The following CYFIP1 variants were observed in gnomAD, a reference collection of about 807,000 sequenced individuals.
CYFIP1 encodes the protein cytoplasmic FMR1-interacting protein 1.
CYFIP1 carries 58 observed loss-of-function variants against 163.5 expected under a neutral mutation model. The observed-to-expected ratio is 0.35, with a 90% CI of 0.29 to 0.44. CYFIP1 has a LOEUF of 0.44. Among genes scored for constraint, CYFIP1 ranks in the 20% least tolerant of loss-of-function variants. CYFIP1 has a pLI of 1.00. For missense variants in CYFIP1, 1,338 were observed against 1,653.8 expected, an observed-to-expected ratio of 0.81 and a Z score of 3.31; for synonymous variants, 663 against 660.7, an observed-to-expected ratio of 1.00 and a Z score of -0.05.
chr15:22,906,052 C>T lies in CYFIP1; in HGVS notation c.2389-2147G>A, dbSNP rs966309413. Reference sequence around the variant, plus strand: ...GGGATTACAGGCATGAGCCACTGTGCCCGGCCTTTTCTCTTTTCAAAACTT... The same window carrying T: ...GGGATTACAGGCATGAGCCACTGTGTCCGGCCTTTTCTCTTTTCAAAACTT... On this transcript the variant is annotated intron_variant, in intron 21 of 30. Transcript: ENST00000617928. Among the ~76,000 whole-genome samples the T allele has an allele frequency of 5.3e-5, 8 of 152,118 alleles. No homozygotes were observed. The South Asian group carries it at 8.3e-4, about 16-fold the overall frequency.
chr15:22,876,313 A>G (rs543425974), intron 26 of CYFIP1, among the ~76,000 whole-genome samples: 5 of 151,962 alleles, frequency 3.3e-5, no homozygotes, highest in Non-Finnish European at 7.4e-5. Flanking sequence ...CCGGCCAGAC[A>G]CCATCTGCTC....
rs956740784 is a variant in CYFIP1, at chr15:22,869,368, G to A, written c.*660C>T. 2 of 152,170 alleles carry A rather than the reference G, an allele frequency of 1.3e-5. No individual in the cohort carries two copies. Among genetic ancestry groups the A allele is most frequent in the African/African-American group, 2.4e-5 (1 of 41,404 alleles). The allele number at this position is 152,170 out of a possible 1,614,324, so 9.4% of individuals were successfully genotyped here. A position where few individuals can be genotyped will look rare whatever the true frequency, so the allele number is the denominator to read the frequency against. ...GGTCCCATCCCACCTCAGCCTTAGA[G>A]GTGACCTCCATCCCAGCTGGCCTGG... is the stretch of plus-strand genomic sequence containing the variant. On this transcript the variant is annotated 3_prime_UTR_variant, in exon 31 of 31. Coordinates refer to ENST00000617928, the MANE Select transcript of CYFIP1 (RefSeq NM_014608.6).
Position 22,916,583 on chromosome 15 carries a change from A to G in CYFIP1, c.1722T>C (p.Ser574=), listed in dbSNP as rs749154022. ...TMLESLIADK[S]GSKKTLRSSL... ...TACTTCTCAAGGTTTTCTTGGAACC[A>G]CTTTTGTCTGCAATGAGGGACTCTA... The change falls in exon 16 of 31, where the codon AGT becomes AGC. Residue 574 remains serine, a synonymous_variant. Coordinates refer to ENST00000617928, the MANE Select transcript of CYFIP1 (RefSeq NM_014608.6). 8 of 1,614,010 alleles carry G rather than the reference A, an allele frequency of 5.0e-6. No homozygotes were observed. The Admixed American group carries it at 1.2e-4, about 24-fold the overall frequency.
chr15:22,877,911 C>T (rs1009376875), intron 26 of CYFIP1, among the ~76,000 whole-genome samples: 1 of 152,380 alleles, frequency 6.6e-6, no homozygotes, highest in Middle Eastern at 3.4e-3. Flanking sequence ...GACATGTGAG[C>T]CAACACATTC....
At chr15:22,880,111 C>G in intron 25 of CYFIP1, 68 bp from the exon 26 acceptor site, 1 of 1,594,050 alleles carries the variant, frequency 6.3e-7, no homozygotes, top group Non-Finnish European at 8.5e-7. Context: ...CCTGGGTCCA[C>G]AGCCAGGAGC....
In CYFIP1 at chr15:22,903,330, C is replaced by T. The variant is rs370229439; in HGVS notation, c.2588+376G>A. Among the ~76,000 whole-genome samples, 363 of 150,530 alleles carry T rather than the reference C, an allele frequency of 2.4e-3. 1 individual carries two copies. The highest frequency in any genetic ancestry group is 8.3e-3 in the African/African-American group (342 of 41,324). On this transcript the variant is annotated intron_variant, in intron 22 of 30. Transcript: ENST00000617928. Reference sequence around the variant, plus strand: ...ACCTCAGGATACTGCCAGCATCCACCGTTTCACCACCAATCACATCACTTC... The same window carrying T: ...ACCTCAGGATACTGCCAGCATCCACTGTTTCACCACCAATCACATCACTTC...
intron 6 of CYFIP1, among the ~76,000 whole-genome samples, chr15:22,939,898 C>A (rs947180637): frequency 6.6e-6 from 1 of 152,186 alleles, no homozygotes; most frequent in Non-Finnish European, 1.5e-5. Context: ...CTCCCACAAG[C>A]CCTGCCATGA....
chr15:22,930,513 CAT>C (rs371014373), intron 11 of CYFIP1, among the ~76,000 whole-genome samples: 5 of 151,612 alleles, frequency 3.3e-5, no homozygotes, highest in African/African-American at 9.7e-5. Flanking sequence ...AGACCACACA[CAT>C]GATGGTGCTC....
upstream of CYFIP1, chr15:22,980,477 C>T (rs1014016207): frequency 6.6e-6 from 1 of 152,136 alleles, no homozygotes; most frequent in African/African-American, 2.4e-5. Flanking sequence ...CCGGCCGCTC[C>T]CTCCTCCTGG....
At chr15:22,919,608 T>C (rs568811792) in intron 13 of CYFIP1, among the ~76,000 whole-genome samples, 1 of 152,336 alleles carries the variant, frequency 6.6e-6, no homozygotes, top group Non-Finnish European at 1.5e-5. Context: ...GCCGTGTGGA[T>C]GTCTGACATA....
Position 22,927,946 on chromosome 15 carries a change from A to T in CYFIP1, c.1193T>A (p.Leu398Gln), listed in dbSNP as rs775411199. ...RKLFDLALQG[L>Q]QLLSQWSAHV... ...CGCGCTCCACTGCGACAACAGCTGC[A>T]GGCCCTGCAGCGCCAGGTCGAAGAG... Residue 398 changes from leucine to glutamine, a missense_variant, in exon 12 of 31, where the codon CTG becomes CAG. Leu to Gln is a moderately radical substitution (Grantham distance 113). Transcript: ENST00000617928. 1.2e-5 allele frequency: 19 copies of T among 1,606,022 alleles called. No individual in the cohort carries two copies. The highest frequency in any genetic ancestry group is 1.5e-5 in the Non-Finnish European group (18 of 1,177,916).
At chr15:22,949,989 T>G (rs1268434336) in intron 1 of CYFIP1, among the ~76,000 whole-genome samples, 1 of 152,078 alleles carries the variant, frequency 6.6e-6, no homozygotes, top group Non-Finnish European at 1.5e-5. Context: ...ATTAACATAC[T>G]TTTTAAAAAA....
intron 1 of CYFIP1, among the ~76,000 whole-genome samples, chr15:22,967,614 C>A (rs2062956388): frequency 6.6e-6 from 1 of 152,132 alleles, no homozygotes; most frequent in Non-Finnish European, 1.5e-5. Context: ...AGCTACAACA[C>A]AGCACATCTG....
At chr15:22,936,946 C>T (rs1010028836) in intron 9 of CYFIP1, among the ~76,000 whole-genome samples, 158 bp downstream of exon 9, 1 of 152,244 alleles carries the variant, frequency 6.6e-6, no homozygotes, top group South Asian at 2.1e-4. Flanking sequence ...AAAGAGAAAG[C>T]GCGGTCACCT....
intron 1 of CYFIP1, among the ~76,000 whole-genome samples, chr15:22,979,947 G>A (rs2063416644): frequency 6.6e-6 from 1 of 152,338 alleles, no homozygotes; most frequent in Non-Finnish European, 1.5e-5. Context: ...CATGTGCCGG[G>A]GCGCGGAATC....
intron 22 of CYFIP1, among the ~76,000 whole-genome samples, chr15:22,895,448 G>A (rs1472751301): frequency 6.6e-6 from 1 of 152,138 alleles, no homozygotes; most frequent in Non-Finnish European, 1.5e-5. Context: ...ACTACGCTCG[G>A]CCTCTATATT....
chr15:22,966,000 T>A (rs936938433), intron 1 of CYFIP1, among the ~76,000 whole-genome samples: 3 of 152,056 alleles, frequency 2.0e-5, no homozygotes, highest in Admixed American at 6.6e-5. Context: ...GATAATTAAG[T>A]TAAAATGAAT....
rs142569305 is a variant in CYFIP1 at position 22,872,880 on chromosome 15, T to C, written c.3542A>G (p.Tyr1181Cys). Residue 1181 changes from tyrosine to cysteine, a missense_variant, in exon 30 of 31, where the codon TAC becomes TGC. Physicochemically the swap from Tyr to Cys is radical, Grantham distance 194. Transcript: ENST00000617928. ...ATGTTTCTGGACTTTAAGTAGATGGTAGCAGAAATCCAGCACAGCAAAACG... is the reference window on the plus strand; with the variant it reads ...ATGTTTCTGGACTTTAAGTAGATGGCAGCAGAAATCCAGCACAGCAAAACG... ...QRRFAVLDFC[Y>C]HLLKVQKHDG... The C allele has an allele frequency of 3.5e-5, 56 of 1,613,986 alleles. No homozygotes were observed. In the African/African-American group the frequency reaches 7.2e-4, roughly 21 times the overall value.
In CYFIP1 at chr15:22,868,560, G is replaced by GTTATTTAT. The variant is rs3083591; in HGVS notation, c.*1467_*1468insATAAATAA. 5 of 151,930 alleles carry GTTATTTAT rather than the reference G, an allele frequency of 3.3e-5. No individual in the cohort carries two copies. The highest frequency in any genetic ancestry group is 5.9e-5 in the Non-Finnish European group (4 of 67,994). The allele number at this position is 151,930 out of a possible 1,614,324, so 9.4% of individuals were successfully genotyped here. ...TCTGCAGCAGAATGCTGGCCCCAGG[G>GTTATTTAT]TTATTAATTCACATTACCAAAAGCA... On this transcript the variant is annotated 3_prime_UTR_variant, in exon 31 of 31. Transcript: ENST00000617928.
Sources: gnomAD v4.1 joint callset for allele counts (sites outside exome capture counted in the v4.1 genomes callset) on GRCh38, gnomAD v4.1.1 for gene constraint, MANE v1.5 for transcripts, NCBI Gene and HGNC (gene_info 2026-07-23, HGNC 2026-07-21) for gene names.